GBE1: variants seen among roughly 807,000 people sequenced by gnomAD.
The protein encoded by GBE1 is 1,4-alpha-glucan branching enzyme 1, also known as 1,4-alpha-glucan-branching enzyme.
In GBE1, 70 loss-of-function variants were observed where a neutral mutation model predicts 88.8. That is an observed-to-expected ratio of 0.79 (90% confidence interval 0.65 to 0.96). GBE1 has a LOEUF of 0.96. Among genes scored for constraint, GBE1 ranks in the 40% least tolerant of loss-of-function variants. The pLI is 0.00. For synonymous variants in GBE1, 284 were observed against 300.1 expected (o/e 0.95, Z 0.56); for missense variants, 872 against 871.0 (o/e 1.00, Z -0.01).
chr3:81,567,638 A>C (rs1432326363), intron 12 of GBE1, among the ~76,000 whole-genome samples: 1 of 152,182 alleles, frequency 6.6e-6, no homozygotes, highest in Non-Finnish European at 1.5e-5. Context: ...TCATTCTTTG[A>C]TTCCTCTCTT....
chr3:81,734,597 G>C (rs1338738879), intron 1 of GBE1, among the ~76,000 whole-genome samples: 1 of 152,072 alleles, frequency 6.6e-6, no homozygotes, highest in Non-Finnish European at 1.5e-5. Flanking sequence ...TTTGCTTTAG[G>C]GTACTAGTTT....
intron 12 of GBE1, among the ~76,000 whole-genome samples, chr3:81,557,612 T>C (rs1046269422): frequency 1.3e-5 from 2 of 152,114 alleles, no homozygotes; most frequent in South Asian, 2.1e-4. Flanking sequence ...GCCAGCAAGA[T>C]AACCAGGTAG....
At chr3:81,536,036 T>C (rs1703069125) in intron 13 of GBE1, among the ~76,000 whole-genome samples, 1 of 151,980 alleles carries the variant, frequency 6.6e-6, no homozygotes, top group Non-Finnish European at 1.5e-5. Flanking sequence ...AATTTAGAAA[T>C]GTGAACTACA....
chr3:81,728,215 T>A (rs552203270), intron 1 of GBE1, among the ~76,000 whole-genome samples: 1 of 152,078 alleles, frequency 6.6e-6, no homozygotes, highest in African/African-American at 2.4e-5. Flanking sequence ...CATATACATA[T>A]CATAGAATCA....
At chr3:81,737,673 A>AT (rs1264317450) in intron 1 of GBE1, among the ~76,000 whole-genome samples, 1 of 151,350 alleles carries the variant, frequency 6.6e-6, no homozygotes, top group Non-Finnish European at 1.5e-5. Flanking sequence ...TTTTAAGTTA[A>AT]TTTTTCTAGT....
At chr3:81,685,174 G>T (rs1443596601) in intron 2 of GBE1, among the ~76,000 whole-genome samples, 1 of 152,044 alleles carries the variant, frequency 6.6e-6, no homozygotes, top group Non-Finnish European at 1.5e-5. Flanking sequence ...CTACTTCCTT[G>T]CAGCAGCAGC....
Position 81,587,993 on chromosome 3 carries a change from G to A in GBE1, c.1237-1803C>T, listed in dbSNP as rs143704114. Reference sequence around the variant, plus strand: ...ATTCCCTCTTGCATGTACTTGTTACGAGCTTTTCTGCATCTGTCAATGCCC... The same window carrying A: ...ATTCCCTCTTGCATGTACTTGTTACAAGCTTTTCTGCATCTGTCAATGCCC... On this transcript the variant is annotated intron_variant, in intron 9 of 15. Transcript: ENST00000429644. 4.0e-4 allele frequency among the ~76,000 whole-genome samples: 61 copies of A among 152,092 alleles called. No individual in the cohort carries two copies. The East Asian group carries it at 0.011, about 27-fold the overall frequency.
chr3:81,737,402 T>C (rs1706280575), intron 1 of GBE1, among the ~76,000 whole-genome samples: 1 of 32,728 alleles, frequency 3.1e-5, no homozygotes, highest in Admixed American at 2.6e-4. Context: ...TATAAATATA[T>C]TTTTATATAT....
At chr3:81,670,308 G>A (rs139991852) in intron 3 of GBE1, among the ~76,000 whole-genome samples, 3 of 152,184 alleles carry the variant, frequency 2.0e-5, no homozygotes, top group African/African-American at 7.2e-5. Context: ...GGAGACCCCT[G>A]GGCTAATTCA....
intron 7 of GBE1, among the ~76,000 whole-genome samples, chr3:81,640,753 T>G (rs986774027): frequency 6.6e-6 from 1 of 151,884 alleles, no homozygotes; most frequent in Non-Finnish European, 1.5e-5. Flanking sequence ...CAGAATGACA[T>G]GTAGAATAAT....
intron 9 of GBE1, among the ~76,000 whole-genome samples, chr3:81,590,568 T>C (rs1444716336): frequency 2.0e-5 from 3 of 152,056 alleles, no homozygotes; most frequent in African/African-American, 4.8e-5. Flanking sequence ...TAGTGAACAT[T>C]TGGCAATCTG....
chr3:81,532,198 C>T (rs1193726917), intron 14 of GBE1, among the ~76,000 whole-genome samples: 1 of 151,758 alleles, frequency 6.6e-6, no homozygotes, highest in Non-Finnish European at 1.5e-5. Context: ...GATTGCTGAC[C>T]TGATTTTTGG....
At chr3:81,586,336 C>A in intron 9 of GBE1, 146 bp from the exon 10 acceptor site, 1 of 567,328 alleles carries the variant, frequency 1.8e-6, no homozygotes, top group South Asian at 2.4e-5. Context: ...ATTGTGATAG[C>A]ATATCTCATT....
At chr3:81,740,766 G>GCACACACA (rs71633686) in intron 1 of GBE1, among the ~76,000 whole-genome samples, 10,028 of 149,160 alleles carry the variant, frequency 0.067, 562 homozygotes, top group East Asian at 0.32. Flanking sequence ...GTTAGAAAGT[G>GCACACACA]CACACACACA....
intron 2 of GBE1, among the ~76,000 whole-genome samples, chr3:81,683,685 T>C (rs1486592534): frequency 6.6e-6 from 1 of 152,162 alleles, no homozygotes; most frequent in South Asian, 2.1e-4. Flanking sequence ...ATGAGACCTA[T>C]AAGGAACACA....
intron 7 of GBE1, among the ~76,000 whole-genome samples, chr3:81,642,011 G>A (rs1029457841): frequency 6.6e-6 from 1 of 150,654 alleles, no homozygotes; most frequent in Non-Finnish European, 1.5e-5. Context: ...CTTTTAATAT[G>A]CTTGACATTT....
chr3:81,698,187 T>C lies in GBE1; in HGVS notation c.313+7257A>G, dbSNP rs1406533709. 2.6e-5 allele frequency among the ~76,000 whole-genome samples: 4 copies of C among 151,776 alleles called. No homozygotes were observed. In the South Asian group the frequency reaches 8.3e-4, roughly 31 times the overall value. On this transcript the variant is annotated intron_variant, in intron 2 of 15. Coordinates refer to ENST00000429644, the MANE Select transcript of GBE1 (RefSeq NM_000158.4). ...CATTAGGCATTATAGCAAAGCTCCA[T>C]GATCCAGCACAATTGGGGCCAAAAG...
rs1213253950 is a variant in GBE1, at chr3:81,681,919, C to T, written c.314-10966G>A. On this transcript the variant is annotated intron_variant, in intron 2 of 15. Coordinates refer to ENST00000429644, the MANE Select transcript of GBE1 (RefSeq NM_000158.4). ...AAGTACAAGTAGCAAATGAAAAAAA[C>T]AGATAATCTGACATCTTCAAAATTA... Among the ~76,000 whole-genome samples the T allele has an allele frequency of 3.3e-5, 5 of 151,980 alleles. 1 individual carries two copies. Among genetic ancestry groups the T allele is most frequent in the South Asian group, 4.1e-4 (2 of 4,824 alleles).
chr3:81,742,903 A>G (rs1426020390), intron 1 of GBE1, among the ~76,000 whole-genome samples: 1 of 152,104 alleles, frequency 6.6e-6, no homozygotes, highest in Non-Finnish European at 1.5e-5. Context: ...CTACATGATA[A>G]AAGAATTACT....
Sources: allele counts gnomAD v4.1 joint callset (sites outside exome capture counted in the v4.1 genomes callset), GRCh38; gene constraint gnomAD v4.1.1; transcripts MANE v1.5; gene names NCBI Gene and HGNC (gene_info 2026-07-23, HGNC 2026-07-21).